Variants in HECW1 observed in about 807,000 individuals in gnomAD.
The protein encoded by HECW1 is HECT, C2 and WW domain containing E3 ubiquitin protein ligase 1, also known as E3 ubiquitin-protein ligase HECW1.
HECW1 carries 61 observed loss-of-function variants against 182.3 expected under a neutral mutation model. The ratio of observed to expected loss-of-function variants is 0.33; its 90% confidence interval spans 0.27 to 0.41. The LOEUF (loss-of-function observed/expected upper bound fraction) is 0.41, where lower values mean the gene tolerates loss of function less well. Among genes scored for constraint, HECW1 ranks in the 10% least tolerant of loss-of-function variants. The pLI is 1.00. For synonymous variants in HECW1, 859 were observed against 832.6 expected, an observed-to-expected ratio of 1.03 and a Z score of -0.55; for missense variants, 1,739 against 2,108.9, an observed-to-expected ratio of 0.82 and a Z score of 3.44.
chr7:43,302,489 T>C (rs112827036), intron 3 of HECW1, among the ~76,000 whole-genome samples: 52 of 152,198 alleles, frequency 3.4e-4, no homozygotes, highest in African/African-American at 1.2e-3. Flanking sequence ...AAGCAGGTGG[T>C]GGTGCCCTGG....
intron 3 of HECW1, among the ~76,000 whole-genome samples, chr7:43,304,561 G>T (rs1248389414): frequency 6.6e-6 from 1 of 151,860 alleles, no homozygotes; most frequent in African/African-American, 2.4e-5. Flanking sequence ...CGCAATCTTA[G>T]CTCACTGCAG....
Position 43,429,335 on chromosome 7 carries a change from T to TAC in HECW1, c.802-8666_802-8665dup, listed in dbSNP as rs1212560357. Among the ~76,000 whole-genome samples the TAC allele has an allele frequency of 2.7e-4, 32 of 120,310 alleles. 1 individual carries two copies. The highest frequency in any genetic ancestry group is 4.3e-4 in the Admixed American group (5 of 11,572). 78.9% of individuals were successfully genotyped at this position (120,310 alleles called of 152,430 possible). On this transcript the variant is annotated intron_variant, in intron 8 of 29. Coordinates refer to ENST00000395891, the MANE Select transcript of HECW1 (RefSeq NM_015052.5). ...ATATATATATATATATATATATATA[T>TAC]ACATATATGCAGATTCCCTGCAGTT...
chr7:43,357,784 C>A (rs531190708), intron 5 of HECW1, among the ~76,000 whole-genome samples: 1 of 151,962 alleles, frequency 6.6e-6, no homozygotes, highest in East Asian at 1.9e-4. Flanking sequence ...CAAAAAAAGA[C>A]AAATAATTAA....
At chr7:43,418,886 G>A (rs2076095161) in intron 8 of HECW1, among the ~76,000 whole-genome samples, 1 of 152,146 alleles carries the variant, frequency 6.6e-6, no homozygotes, top group East Asian at 1.9e-4. Context: ...ATGTTATACT[G>A]AAGAGACTCT....
Position 43,132,857 on chromosome 7 carries a change from A to C in HECW1, c.-32+18466A>C, listed in dbSNP as rs1787110541. On this transcript the variant is annotated intron_variant, in intron 2 of 29. Transcript: ENST00000395891. Reference sequence around the variant, plus strand: ...TGGGAGGTGCTTATAACATTGGCTAAAATTAGAACGATAATAAATAATGTG... The same window carrying C: ...TGGGAGGTGCTTATAACATTGGCTACAATTAGAACGATAATAAATAATGTG... Among the ~76,000 whole-genome samples the C allele has an allele frequency of 2.0e-5, 3 of 152,242 alleles. No homozygotes were observed. The South Asian group carries it at 6.2e-4, about 32-fold the overall frequency.
chr7:43,336,150 C>CTCTCTCTCTT (rs1812228591), intron 5 of HECW1, among the ~76,000 whole-genome samples: 1 of 51,584 alleles, frequency 1.9e-5, no homozygotes, highest in African/African-American at 7.9e-5. Flanking sequence ...CTCTTTCTCT[C>CTCTCTCTCTT]TCTCTCTCTC....
At chr7:43,501,363 C>T (rs771124961) in intron 21 of HECW1, 41 bp downstream of exon 21, 4 of 1,112,532 alleles carry the variant, frequency 3.6e-6, no homozygotes, top group Admixed American at 1.8e-5. Context: ...TAAGTGGCCA[C>T]GTGTGTTTCC....
chr7:43,196,445 G>C (rs764993981), intron 2 of HECW1, among the ~76,000 whole-genome samples: 3 of 152,114 alleles, frequency 2.0e-5, no homozygotes, highest in African/African-American at 7.2e-5. Flanking sequence ...CAATTGTTCC[G>C]TTTTGCATAA....
At chr7:43,281,428 G>A (rs928024483) in intron 3 of HECW1, among the ~76,000 whole-genome samples, 49 of 152,162 alleles carry the variant, frequency 3.2e-4, no homozygotes, top group African/African-American at 4.3e-4. Flanking sequence ...CAACTTTATC[G>A]TGGAAATACA....
intron 16 of HECW1, among the ~76,000 whole-genome samples, chr7:43,473,089 G>C (rs2078083779): frequency 6.6e-6 from 1 of 152,152 alleles, no homozygotes; most frequent in Non-Finnish European, 1.5e-5. Context: ...GCAGCAATGA[G>C]TGAGTTCTCA....
At chr7:43,278,676 G>C (rs950274882) in intron 3 of HECW1, among the ~76,000 whole-genome samples, 2 of 151,810 alleles carry the variant, frequency 1.3e-5, no homozygotes, top group Admixed American at 1.3e-4. Context: ...CACTCCCCAG[G>C]TGCACCTGCT....
intron 17 of HECW1, among the ~76,000 whole-genome samples, chr7:43,485,712 T>C (rs969488638): frequency 1.3e-5 from 2 of 152,064 alleles, no homozygotes; most frequent in African/African-American, 4.8e-5. Flanking sequence ...ATTTAAAAAA[T>C]AGTACACCTG....
intron 7 of HECW1, among the ~76,000 whole-genome samples, chr7:43,397,280 G>A (rs17800970): frequency 0.12 from 18,360 of 152,070 alleles, 1,307 homozygotes; most frequent in Middle Eastern, 0.28. Flanking sequence ...TAACTGAGCC[G>A]CTCAAAAATG....
chr7:43,354,413 G>C (rs1261929787), intron 5 of HECW1, among the ~76,000 whole-genome samples: 1 of 152,090 alleles, frequency 6.6e-6, no homozygotes, highest in African/African-American at 2.4e-5. Context: ...TCCAAGATAA[G>C]ACAGAAAAAG....
At chr7:43,280,703 A>T (rs1267354229) in intron 3 of HECW1, among the ~76,000 whole-genome samples, 1 of 152,218 alleles carries the variant, frequency 6.6e-6, no homozygotes, top group Admixed American at 6.5e-5. Flanking sequence ...ATCTCGGCTC[A>T]TTCCCTTTAC....
chr7:43,438,262 A>G (rs753832798), intron 9 of HECW1, 117 bp downstream of exon 9: 6 of 834,552 alleles, frequency 7.2e-6, no homozygotes, highest in East Asian at 2.7e-5. Flanking sequence ...GTATCATTAT[A>G]TTTCCTTTGT....
At chr7:43,324,430 T>A (rs1402267792) in intron 5 of HECW1, among the ~76,000 whole-genome samples, 1 of 152,228 alleles carries the variant, frequency 6.6e-6, no homozygotes, top group Middle Eastern at 3.2e-3. Flanking sequence ...TAAATTTACA[T>A]GTTATGTGAA....
At position 43,416,735 on chromosome 7, in the gene HECW1, G is replaced by A. The variant is rs372399788; in HGVS notation, c.801+9004G>A. 6.8e-3 allele frequency among the ~76,000 whole-genome samples: 984 copies of A among 145,394 alleles called. 9 individuals are homozygous for A. Among genetic ancestry groups the A allele is most frequent in the African/African-American group, 0.023 (921 of 39,424 alleles). On this transcript the variant is annotated intron_variant, in intron 8 of 29. Transcript: ENST00000395891. ...GGTGTGGGATATAGTCTCGTGGTGC[G>A]CCGTTTTTTAAGCCGGTCTGAAAAG...
intron 2 of HECW1, among the ~76,000 whole-genome samples, chr7:43,149,414 T>G (rs2152642793): frequency 6.6e-6 from 1 of 152,306 alleles, no homozygotes; most frequent in Admixed American, 6.5e-5. Flanking sequence ...CTGTCCAGAA[T>G]TTTTTGAAAT....
Sources: gnomAD v4.1 joint callset for allele counts (sites outside exome capture counted in the v4.1 genomes callset) on GRCh38, gnomAD v4.1.1 for gene constraint, MANE v1.5 for transcripts, NCBI Gene and HGNC (gene_info 2026-07-23, HGNC 2026-07-21) for gene names.